The following DNMBP variants were observed in gnomAD, a reference collection of about 807,000 sequenced individuals.
DNMBP encodes the protein dynamin binding protein.
In DNMBP, 87 loss-of-function variants were observed where a neutral mutation model predicts 150.0. The observed-to-expected ratio is 0.58, with a 90% confidence interval of 0.49 to 0.69. DNMBP has a LOEUF of 0.69. Among genes scored for constraint, DNMBP ranks in the 30% least tolerant of loss-of-function variants. DNMBP has a pLI of 0.00. For synonymous variants in DNMBP, 711 were observed against 750.4 expected, an observed-to-expected ratio of 0.95 and a Z score of 0.86; for missense variants, 1,774 against 1,949.0, an observed-to-expected ratio of 0.91 and a Z score of 1.69.
At chr10:99,879,012 G>C (rs1214274992) in intron 16 of DNMBP, among the ~76,000 whole-genome samples, 1 of 144,274 alleles carries the variant, frequency 6.9e-6, no homozygotes, top group Non-Finnish European at 1.5e-5. Context: ...TTGAACCTGG[G>C]AGGCGGAGGT....
chr10:99,935,716 C>A, intron 4 of DNMBP, among the ~76,000 whole-genome samples: 1 of 152,114 alleles, frequency 6.6e-6, no homozygotes, highest in East Asian at 1.9e-4. Flanking sequence ...AGGCATACAC[C>A]CTGCCGCCCG....
chr10:99,915,108 A>ATATATAT (rs1554863106), intron 4 of DNMBP, among the ~76,000 whole-genome samples: 52 of 99,792 alleles, frequency 5.2e-4, no homozygotes, highest in African/African-American at 7.5e-4. Flanking sequence ...AAAAAAAAAA[A>ATATATAT]ATATATATAT....
intron 1 of DNMBP, among the ~76,000 whole-genome samples, chr10:99,988,237 C>T (rs1288752081): frequency 6.6e-6 from 1 of 152,104 alleles, no homozygotes; most frequent in East Asian, 1.9e-4. Context: ...ATGTATTATC[C>T]TCTTTAGAGA....
At chr10:99,878,667 G>A (rs896292504) in intron 16 of DNMBP, among the ~76,000 whole-genome samples, 5 of 152,292 alleles carry the variant, frequency 3.3e-5, no homozygotes, top group East Asian at 1.9e-4. Context: ...CCCAGGACAC[G>A]ACTGGGCCTT....
At chr10:99,963,279 C>G (rs1458650370) in intron 3 of DNMBP, among the ~76,000 whole-genome samples, 2 of 151,164 alleles carry the variant, frequency 1.3e-5, no homozygotes, top group African/African-American at 4.9e-5. Context: ...ATTTGTTGCC[C>G]AAGCTGGCCT....
At chr10:99,946,367 CAGAT>C (rs1332890920) in intron 4 of DNMBP, among the ~76,000 whole-genome samples, 2 of 152,204 alleles carry the variant, frequency 1.3e-5, no homozygotes, top group African/African-American at 4.8e-5. Context: ...TCAACACTAT[CAGAT>C]AGAGCAACTA....
Position 99,875,807 on chromosome 10 carries a change from A to T in DNMBP, c.*1344T>A, listed in dbSNP as rs1190122078. On this transcript the variant is annotated 3_prime_UTR_variant, in exon 17 of 17. Coordinates refer to ENST00000324109, the MANE Select transcript of DNMBP (RefSeq NM_015221.4). Reference sequence around the variant, plus strand: ...TTTCTTCCCTTTCTTTTAAAAGACAAATTTCATGGTTTCCCATTCCAAGAT... The same window carrying T: ...TTTCTTCCCTTTCTTTTAAAAGACATATTTCATGGTTTCCCATTCCAAGAT... 1 of 152,158 alleles carries T rather than the reference A, an allele frequency of 6.6e-6. No homozygotes were observed. Among genetic ancestry groups the T allele is most frequent in the Non-Finnish European group, 1.5e-5 (1 of 68,036 alleles). The allele number at this position is 152,158 out of a possible 1,614,324, so 9.4% of individuals were successfully genotyped here. A position where few individuals can be genotyped will look rare whatever the true frequency, so the allele number is the denominator to read the frequency against.
chr10:99,924,402 C>A (rs367897028), intron 4 of DNMBP, among the ~76,000 whole-genome samples: 1 of 152,202 alleles, frequency 6.6e-6, no homozygotes, highest in East Asian at 1.9e-4. Flanking sequence ...GAGATCGCAC[C>A]ACTGCACTCC....
chr10:99,899,894 G>T, intron 7 of DNMBP, 25 bp downstream of exon 7: 1 of 1,613,764 alleles, frequency 6.2e-7, no homozygotes. Flanking sequence ...AGCTGTAATG[G>T]AAGTTAAGTG....
At chr10:99,906,628 T>C (rs1443122775) in intron 6 of DNMBP, among the ~76,000 whole-genome samples, 1 of 152,184 alleles carries the variant, frequency 6.6e-6, no homozygotes, top group African/African-American at 2.4e-5. Flanking sequence ...AGGTGACTCA[T>C]GACTCATGCC....
At chr10:99,960,788 G>A (rs181831730) in intron 3 of DNMBP, among the ~76,000 whole-genome samples, 5 of 151,954 alleles carry the variant, frequency 3.3e-5, no homozygotes, top group Admixed American at 1.3e-4. Context: ...CCTGTGTGAC[G>A]AGAGCAAAAC....
chr10:99,956,005 A>T lies in DNMBP; in HGVS notation c.1469T>A (p.Val490Asp). The T allele has an allele frequency of 6.2e-7, 1 of 1,614,144 alleles. No individual in the cohort carries two copies. Residue 490 changes from valine to aspartate, a missense_variant, in exon 4 of 17, where the codon GTC (valine) becomes GAC (aspartate). By Grantham distance (152) the Val-to-Asp change is radical. This residue lies in a region of DNMBP where 1,430 missense variants were observed against 1,492.5 expected (regional missense o/e 0.96). Transcript: ENST00000324109. ...CTGAGGACTTGATTGTCTGGGTTTG[A>T]CTACCCTTGAAGCTGAAACAGAAGA... Reference protein sequence around the residue: ...RGSSVSASRVVKPRQSSPQLH... With the variant: ...RGSSVSASRVDKPRQSSPQLH...
chr10:99,999,572 A>C (rs2133386747), intron 1 of DNMBP, among the ~76,000 whole-genome samples: 1 of 152,360 alleles, frequency 6.6e-6, no homozygotes, highest in South Asian at 2.1e-4. Flanking sequence ...TACACTACTA[A>C]GACATTTTGA....
At chr10:99,925,205 A>G (rs964952687) in intron 4 of DNMBP, among the ~76,000 whole-genome samples, 7 of 152,138 alleles carry the variant, frequency 4.6e-5, no homozygotes, top group African/African-American at 1.7e-4. Flanking sequence ...TGCAGACTCA[A>G]TCTACGGCTG....
intron 15 of DNMBP, among the ~76,000 whole-genome samples, chr10:99,880,594 C>T (rs941859346): frequency 8.5e-5 from 13 of 152,106 alleles, no homozygotes; most frequent in Admixed American, 5.2e-4. Flanking sequence ...GATGAAGAGC[C>T]GCAGCTGCCT....
intron 6 of DNMBP, among the ~76,000 whole-genome samples, chr10:99,907,760 G>C (rs1239107341): frequency 6.6e-6 from 1 of 152,170 alleles, no homozygotes; most frequent in African/African-American, 2.4e-5. Context: ...GCAACCATGA[G>C]TGTGGAAAAA....
At chr10:99,987,154 C>A (rs75546974) in intron 1 of DNMBP, among the ~76,000 whole-genome samples, 95 of 121,862 alleles carry the variant, frequency 7.8e-4, no homozygotes, top group South Asian at 1.1e-3. Context: ...GACTCCATCT[C>A]AAAAAAAAAA....
chr10:99,922,504 T>G (rs1436920690), intron 4 of DNMBP, among the ~76,000 whole-genome samples: 5 of 39,624 alleles, frequency 1.3e-4, no homozygotes, highest in Admixed American at 3.3e-4. Flanking sequence ...CTGCTGCTGT[T>G]TTTTTTTTTT....
At chr10:99,927,200 T>A (rs969400520) in intron 4 of DNMBP, 3 of 152,136 alleles carry the variant, frequency 2.0e-5, no homozygotes, top group Non-Finnish European at 4.4e-5. Context: ...ACATTCCACT[T>A]AGACAATCAA....
Sources: gnomAD v4.1 joint callset for allele counts (sites outside exome capture counted in the v4.1 genomes callset) on GRCh38, gnomAD v4.1.1 for gene constraint, gnomAD v4.1.1 regional missense constraint, MANE v1.5 for transcripts, NCBI Gene and HGNC (gene_info 2026-07-23, HGNC 2026-07-21) for gene names.